Variants in ARID4B observed in about 807,000 individuals in gnomAD.
ARID4B encodes AT-rich interactive domain-containing protein 4B.
ARID4B carries 26 observed loss-of-function variants against 147.5 expected under a neutral mutation model. The observed-to-expected ratio is 0.18, with a 90% confidence interval of 0.13 to 0.24. The LOEUF (loss-of-function observed/expected upper bound fraction) is 0.24, where lower values mean the gene tolerates loss of function less well. Among genes scored for constraint, ARID4B ranks in the 10% least tolerant of loss-of-function variants. ARID4B has a pLI of 1.00. For missense variants in ARID4B, 1,179 were observed against 1,511.5 expected (o/e 0.78, Z 3.65); for synonymous variants, 512 against 507.9 (o/e 1.01, Z -0.11).
At chr1:235,205,607 G>C (rs1216594018) in intron 17 of ARID4B, among the ~76,000 whole-genome samples, 1 of 152,124 alleles carries the variant, frequency 6.6e-6, no homozygotes, top group African/African-American at 2.4e-5. Context: ...GGCAACAAAA[G>C]AAACATTTGC....
intron 2 of ARID4B, chr1:235,295,797 G>A (rs190431529): frequency 2.9e-3 from 433 of 151,538 alleles, no homozygotes; most frequent in Non-Finnish European, 3.9e-3. Context: ...ACAACAGAGC[G>A]AGACTACGTC....
chr1:235,253,561 A>G (rs1572084222), intron 5 of ARID4B, among the ~76,000 whole-genome samples: 1 of 152,224 alleles, frequency 6.6e-6, no homozygotes, highest in East Asian at 1.9e-4. Context: ...TTTGCCTATC[A>G]AATCATCATG....
At position 235,258,278 on chromosome 1, in the gene ARID4B, G is replaced by T. The variant is rs538655938; in HGVS notation, c.118-1053C>A. Among the ~76,000 whole-genome samples, 4 of 152,270 alleles carry T rather than the reference G, an allele frequency of 2.6e-5. No homozygotes were observed. In the East Asian group the frequency reaches 7.7e-4, roughly 29 times the overall value. On this transcript the variant is annotated intron_variant, in intron 3 of 23. Transcript: ENST00000264183. The stretch of plus-strand genomic sequence containing the variant: ...ACCAGGGAGGTGGAGGTTGCAGTGA[G>T]CCGAGATTGCGTCACTGCACTCCAG...
chr1:235,323,930 A>T (rs1423924717), intron 2 of ARID4B, among the ~76,000 whole-genome samples: 2 of 144,918 alleles, frequency 1.4e-5, no homozygotes, highest in South Asian at 2.2e-4. Context: ...TGAGAGAGAG[A>T]GTTTCACTTT....
intron 3 of ARID4B, among the ~76,000 whole-genome samples, chr1:235,257,953 G>A (rs999591368): frequency 3.9e-5 from 6 of 152,150 alleles, no homozygotes; most frequent in Admixed American, 3.3e-4. Flanking sequence ...ACTGAGATCT[G>A]AGCATCAGTC....
intron 19 of ARID4B, chr1:235,190,221 G>A (rs1664999529): frequency 6.6e-6 from 1 of 152,286 alleles, no homozygotes; most frequent in South Asian, 2.1e-4. Context: ...GCTGAGGTGA[G>A]TGGATCACTT....
At chr1:235,238,442 C>A (rs773960365) in intron 8 of ARID4B, among the ~76,000 whole-genome samples, 1 of 152,140 alleles carries the variant, frequency 6.6e-6, no homozygotes, top group African/African-American at 2.4e-5. Flanking sequence ...TTCTGTCTCT[C>A]GATATTTGAG....
chr1:235,171,914 T>C (rs1663396838), intron 23 of ARID4B, among the ~76,000 whole-genome samples: 1 of 152,182 alleles, frequency 6.6e-6, no homozygotes, highest in African/African-American at 2.4e-5. Flanking sequence ...AGTGCTGGGA[T>C]TACAGGCATG....
chr1:235,240,627 G>C, intron 7 of ARID4B, 176 bp from the exon 8 acceptor site: 1 of 634,196 alleles, frequency 1.6e-6, no homozygotes, highest in Non-Finnish European at 2.7e-6. Flanking sequence ...AGTTTATCAT[G>C]AGAGGAAAGC....
intron 22 of ARID4B, among the ~76,000 whole-genome samples, chr1:235,173,742 TAAA>T (rs755815257): frequency 6.1e-4 from 16 of 26,252 alleles, no homozygotes; most frequent in South Asian, 2.8e-3. Context: ...CGTCTCTATT[TAAA>T]AAAAAAAAAA....
chr1:235,218,687 T>C (rs968142540), intron 16 of ARID4B, among the ~76,000 whole-genome samples: 2 of 152,162 alleles, frequency 1.3e-5, no homozygotes, highest in Non-Finnish European at 2.9e-5. Flanking sequence ...TTACTGTTTC[T>C]TAATACTTGA....
In ARID4B at chr1:235,175,234, T is replaced by C; in HGVS notation, c.3614A>G (p.Lys1205Arg). ...GKNGDKDPDL[K>R]EPSNRLPKVY... The stretch of plus-strand genomic sequence containing the variant: ...TTTGGGTAATCGATTACTGGGTTCC[T>C]TGAGATCAGGATCCTTATCACCATT... Residue 1205 changes from lysine (K) to arginine (R), a missense_variant, in exon 22 of 24, where the codon AAG (lysine) becomes AGG (arginine). Coordinates refer to ENST00000264183, the MANE Select transcript of ARID4B (RefSeq NM_016374.6). 1 of 1,614,234 alleles carries C rather than the reference T, an allele frequency of 6.2e-7. No individual in the cohort carries two copies. The highest frequency in any genetic ancestry group is 8.5e-7 in the Non-Finnish European group (1 of 1,180,040).
intron 17 of ARID4B, among the ~76,000 whole-genome samples, chr1:235,202,631 C>A (rs111540647): frequency 0.13 from 20,081 of 151,186 alleles, 1,555 homozygotes; most frequent in African/African-American, 0.2. Flanking sequence ...CTCACTGCAA[C>A]CTCCGCCTCT....
chr1:235,209,619 A>C (rs1666577607), intron 17 of ARID4B, among the ~76,000 whole-genome samples: 1 of 146,242 alleles, frequency 6.8e-6, no homozygotes, highest in Admixed American at 7.0e-5. Flanking sequence ...GCTGGAGTGC[A>C]ATGGTGTGAT....
intron 2 of ARID4B, among the ~76,000 whole-genome samples, chr1:235,297,047 G>T (rs1224883614): frequency 6.6e-6 from 1 of 151,970 alleles, no homozygotes; most frequent in Non-Finnish European, 1.5e-5. Context: ...TCAGCAACCA[G>T]GGTTCCTTAA....
intron 6 of ARID4B, among the ~76,000 whole-genome samples, chr1:235,251,058 G>A (rs1054732471): frequency 4.6e-5 from 7 of 152,150 alleles, no homozygotes; most frequent in African/African-American, 1.7e-4. Flanking sequence ...TTGCCCCAAA[G>A]CTGTCTGTAT....
At position 235,308,868 on chromosome 1, in the gene ARID4B, C is replaced by T. The variant is rs1174891056; in HGVS notation, c.6+18046G>A. On this transcript the variant is annotated intron_variant, in intron 2 of 23. Coordinates refer to ENST00000264183, the MANE Select transcript of ARID4B (RefSeq NM_016374.6). ...CACCTGCCTTGGCCTCCCAAAGTGC[C>T]GAGAGTGCAGCCTCTGCCCGGCTGC... 3.3e-5 allele frequency among the ~76,000 whole-genome samples: 5 copies of T among 152,332 alleles called. No individual in the cohort carries two copies. In the East Asian group the frequency reaches 5.8e-4, roughly 18 times the overall value.
At chr1:235,327,236 C>A in intron 1 of ARID4B, 1 of 274,214 alleles carries the variant, frequency 3.6e-6, no homozygotes, top group Non-Finnish European at 7.0e-6. Context: ...CCATTTCTGT[C>A]AGAGAAGAAA....
rs572701676 is a variant in ARID4B, at chr1:235,196,094, T to G, written c.1863A>C (p.Ala621=). 2 of 1,579,838 alleles carry G rather than the reference T, an allele frequency of 1.3e-6. No individual in the cohort carries two copies. Among genetic ancestry groups the G allele is most frequent in the Admixed American group, 1.9e-5 (1 of 54,034 alleles). Residue 621 remains alanine, a synonymous_variant, in exon 18 of 24, where the codon GCA becomes GCC. Transcript: ENST00000264183. The stretch of plus-strand genomic sequence containing the variant: ...TATCAGCAGGTCTTACTATTTTATC[T>G]GCTTTAATCCATTCATCGTATCTAA... ...WNVRYDEWIK[A]DKIVRPADKN... is the part of the protein sequence containing the mutation.
Sources: gnomAD v4.1 joint callset for allele counts (sites outside exome capture counted in the v4.1 genomes callset) on GRCh38, gnomAD v4.1.1 for gene constraint, MANE v1.5 for transcripts, NCBI Gene and HGNC (gene_info 2026-07-23, HGNC 2026-07-21) for gene names.